CEP44: variants seen among roughly 807,000 people sequenced by gnomAD.
CEP44 encodes centrosomal protein 44, also known as centrosomal protein of 44 kDa.
Under a neutral mutation model 46.7 loss-of-function variants are expected in CEP44, and 45 were observed. The observed-to-expected ratio is 0.96, with a 90% CI of 0.76 to 1.24. CEP44 has a LOEUF of 1.24. Among genes scored for constraint, CEP44 ranks in the 50% most tolerant of loss-of-function variants. The pLI, the probability that CEP44 is intolerant of heterozygous loss-of-function variation, is 0.00. For missense variants in CEP44, 475 were observed against 459.7 expected (o/e 1.03, Z -0.30); for synonymous variants, 142 against 146.0 (o/e 0.97, Z 0.20).
intron 1 of CEP44, among the ~76,000 whole-genome samples, chr4:174,289,229 G>A (rs1393599065): frequency 2.0e-5 from 3 of 149,436 alleles, no homozygotes; most frequent in Admixed American, 6.6e-5. Context: ...TTCTTGTAGT[G>A]TATTTGTCTG....
At chr4:174,295,543 A>G (rs1738890636) in intron 1 of CEP44, among the ~76,000 whole-genome samples, 1 of 139,704 alleles carries the variant, frequency 7.2e-6, no homozygotes, top group African/African-American at 2.7e-5. Flanking sequence ...GTCCCAGACG[A>G]TGGGCGGCCA....
At chr4:174,315,714 G>A (rs1741601804) in intron 9 of CEP44, among the ~76,000 whole-genome samples, 1 of 151,680 alleles carries the variant, frequency 6.6e-6, no homozygotes, top group African/African-American at 2.4e-5. Flanking sequence ...GGTAGCTGGC[G>A]CCTGTAGTCC....
At chr4:174,322,915 C>T (rs1742413633), downstream of CEP44, among the ~76,000 whole-genome samples, 2 of 152,054 alleles carry the variant, frequency 1.3e-5, no homozygotes, top group African/African-American at 2.4e-5. Flanking sequence ...TTTCTCCATA[C>T]TTTAAGCACT....
Position 174,304,210 on chromosome 4 carries a change from C to T in CEP44, c.385-37C>T, listed in dbSNP as rs936322401. 3 of 1,555,612 alleles carry T rather than the reference C, an allele frequency of 1.9e-6. No homozygotes were observed. The African/African-American group carries it at 4.2e-5, about 22-fold the overall frequency. ...TTTAATATATAATTATGCTTTCACA[C>T]AAAATTTGTTATTTTGACTAATACC... On this transcript the variant is annotated intron_variant, in intron 5 of 11. Transcript: ENST00000503780.
chr4:174,331,403 C>T lies in CEP44; in HGVS notation c.1087-79C>T. 4.8e-6 allele frequency: 7 copies of T among 1,448,334 alleles called. No homozygotes were observed. The highest frequency in any genetic ancestry group is 6.5e-6 in the Non-Finnish European group (7 of 1,073,980). The allele number at this position is 1,448,334 out of a possible 1,614,324, so 89.7% of individuals were successfully genotyped here. A position where few individuals can be genotyped will look rare whatever the true frequency, so the allele number is the denominator to read the frequency against. On this transcript the variant is annotated intron_variant, in intron 8 of 8. Coordinates refer to the CEP44 transcript ENST00000426172. This position sits in a 1 kb window ranked among gnomAD's most constrained non-coding sequence, Gnocchi z 4.5. ...AGGAAATATTAATAGCACTCTGACACTGCTCTAATTCCTATCTACCCATTC... is the reference window on the plus strand; with the variant it reads ...AGGAAATATTAATAGCACTCTGACATTGCTCTAATTCCTATCTACCCATTC...
At chr4:174,320,684 C>CTGTGTGTGTGTGTGTGTGTGTG (rs34832692), downstream of CEP44, among the ~76,000 whole-genome samples, 7 of 147,530 alleles carry the variant, frequency 4.7e-5, no homozygotes, top group East Asian at 2.1e-4. Context: ...TGAGTGTGCT[C>CTGTGTGTGTGTGTGTGTGTGTG]TGTGTGTGTG....
intron 6 of CEP44, among the ~76,000 whole-genome samples, chr4:174,307,892 C>A (rs1740617576): frequency 6.6e-6 from 1 of 152,056 alleles, no homozygotes; most frequent in Non-Finnish European, 1.5e-5. Flanking sequence ...AAATGCAAAT[C>A]ATAACCACAA....
chr4:174,305,459 A>C (rs1740278776), intron 6 of CEP44, among the ~76,000 whole-genome samples: 2 of 152,158 alleles, frequency 1.3e-5, no homozygotes, highest in African/African-American at 2.4e-5. Flanking sequence ...ATCTCAAAAA[A>C]ATATGTTTAT....
intron 1 of CEP44, among the ~76,000 whole-genome samples, chr4:174,284,847 A>G (rs549402981): frequency 2.0e-5 from 3 of 152,300 alleles, no homozygotes; most frequent in African/African-American, 7.2e-5. Flanking sequence ...TTTTTAGATA[A>G]TATCGAGCAT....
At chr4:174,316,338 A>C in intron 10 of CEP44, 48 bp downstream of exon 10, 1 of 1,562,588 alleles carries the variant, frequency 6.4e-7, no homozygotes, top group South Asian at 1.1e-5. Context: ...GAAAACAAGC[A>C]AGCATTAGCT....
rs533628580 is a variant in CEP44 at position 174,294,830 on chromosome 4, C to CG, written c.-147-3133dup. Among the ~76,000 whole-genome samples the CG allele has an allele frequency of 1.5e-4, 20 of 131,754 alleles. No individual in the cohort carries two copies. The South Asian group carries it at 3.3e-3, about 22-fold the overall frequency. The allele number at this position is 131,754 out of a possible 152,430, so 86.4% of individuals were successfully genotyped here. On this transcript the variant is annotated intron_variant, in intron 1 of 11. Transcript: ENST00000503780. ...CTGACCCCCCCACCTCCCTCCCGGA[C>CG]GGGACGGCTGGCCGGGCGGGGGGCT...
Position 174,307,398 on chromosome 4 carries a change from T to C in CEP44, c.508-1291T>C, listed in dbSNP as rs115004898. 8.4e-3 allele frequency among the ~76,000 whole-genome samples: 1,276 copies of C among 152,312 alleles called. 12 individuals are homozygous for C. The highest frequency in any genetic ancestry group is 0.028 in the African/African-American group (1,163 of 41,558). On this transcript the variant is annotated intron_variant, in intron 6 of 11. Coordinates refer to ENST00000503780, the MANE Select transcript of CEP44 (RefSeq NM_001040157.3). Reference sequence around the variant, plus strand: ...AGTCAGTAAATGGTGCTTTGATAACTGGGTAGCCATATGCAGAAGATTGAA... The same window carrying C: ...AGTCAGTAAATGGTGCTTTGATAACCGGGTAGCCATATGCAGAAGATTGAA...
At chr4:174,291,788 T>TTTTTTTTTTTG in intron 1 of CEP44, among the ~76,000 whole-genome samples, 1 of 32,634 alleles carries the variant, frequency 3.1e-5, no homozygotes, top group Non-Finnish European at 7.0e-5. Context: ...TTTTCTTTTC[T>TTTTTTTTTTTG]TTTTTTTTTT....
downstream of CEP44, among the ~76,000 whole-genome samples, chr4:174,324,201 C>G (rs1472780462): frequency 6.6e-6 from 1 of 152,124 alleles, no homozygotes; most frequent in Non-Finnish European, 1.5e-5. Flanking sequence ...CATAATGCTT[C>G]TGAGATTCAT....
At chr4:174,296,949 A>G (rs904321821) in intron 1 of CEP44, among the ~76,000 whole-genome samples, 1 of 152,002 alleles carries the variant, frequency 6.6e-6, no homozygotes, top group African/African-American at 2.4e-5. Context: ...GGGAGAATTA[A>G]GTCCTTTATC....
Position 174,302,139 on chromosome 4 carries a change from G to C in CEP44, c.190G>C (p.Glu64Gln), listed in dbSNP as rs372440623. The change falls in exon 4 of 12, where the codon GAG (glutamate) becomes CAG (glutamine). Residue 64 changes from glutamate (E) to glutamine (Q), a missense_variant. Coordinates refer to ENST00000503780, the MANE Select transcript of CEP44 (RefSeq NM_001040157.3). Reference sequence around the variant, plus strand: ...AGAACTTATAATGGAATCCAATGTAGAGCTCATAGCAAAAAATGACTTGCG... The same window carrying C: ...AGAACTTATAATGGAATCCAATGTACAGCTCATAGCAAAAAATGACTTGCG... ...VTELIMESNV[E>Q]LIAKNDLRFI... The C allele has an allele frequency of 2.5e-5, 40 of 1,610,220 alleles. No homozygotes were observed. Among genetic ancestry groups the C allele is most frequent in the African/African-American group, 4.0e-5 (3 of 74,766 alleles).
chr4:174,301,521 G>C lies in CEP44; in HGVS notation c.90-518G>C, dbSNP rs1432706644. 6.6e-6 allele frequency among the ~76,000 whole-genome samples: 1 copy of C among 152,110 alleles called. No individual in the cohort carries two copies. The highest frequency in any genetic ancestry group is 2.4e-5 in the African/African-American group (1 of 41,440). The stretch of plus-strand genomic sequence containing the variant: ...GGAATTAACATAGGTAATAATATAC[G>C]ATTTAGAAGGAGCAGTAAGTGAAAA... On this transcript the variant is annotated intron_variant, in intron 3 of 11. Coordinates refer to ENST00000503780, the MANE Select transcript of CEP44 (RefSeq NM_001040157.3). This position sits in a 1 kb window ranked among gnomAD's most constrained non-coding sequence, Gnocchi z 4.3.
rs184937789 is a variant in CEP44 at position 174,305,154 on chromosome 4, T to G, written c.507+785T>G. On this transcript the variant is annotated intron_variant, in intron 6 of 11. Transcript: ENST00000503780. The stretch of plus-strand genomic sequence containing the variant: ...CATGAGTTATGTAAACAGAATCTAT[T>G]TTAAAAATTTATTCTTGGGTCTAGC... 2.0e-5 allele frequency among the ~76,000 whole-genome samples: 3 copies of G among 152,322 alleles called. No homozygotes were observed. The East Asian group carries it at 5.8e-4, about 29-fold the overall frequency.
rs1254524533 is a variant in CEP44, at chr4:174,329,388, T to C, written c.1087-2094T>C. On this transcript the variant is annotated intron_variant, in intron 8 of 8. Coordinates refer to the CEP44 transcript ENST00000426172. This position sits in a 1 kb window ranked among gnomAD's most constrained non-coding sequence, Gnocchi z 4.0. ...TTAATAGGAGTTAATTATAAGAATTTTTAGAAAAGTTGTTAGCACTTTCCC... is the reference window on the plus strand; with the variant it reads ...TTAATAGGAGTTAATTATAAGAATTCTTAGAAAAGTTGTTAGCACTTTCCC... Among the ~76,000 whole-genome samples the C allele has an allele frequency of 6.6e-6, 1 of 152,118 alleles. No homozygotes were observed. Among genetic ancestry groups the C allele is most frequent in the African/African-American group, 2.4e-5 (1 of 41,438 alleles).
Sources: allele counts gnomAD v4.1 joint callset (sites outside exome capture counted in the v4.1 genomes callset), GRCh38; gene constraint gnomAD v4.1.1; non-coding constraint Gnocchi (gnomAD v3.1); transcripts MANE v1.5; gene names NCBI Gene and HGNC (gene_info 2026-07-23, HGNC 2026-07-21).